The following MGAT4A variants were observed in gnomAD, a reference collection of about 807,000 sequenced individuals.
MGAT4A encodes the protein alpha-1,3-mannosyl-glycoprotein 4-beta-N-acetylglucosaminyltransferase A, also known as N-acetylglucosaminyltransferase IVa.
Under a neutral mutation model 74.1 loss-of-function variants are expected in MGAT4A, and 33 were observed. The observed-to-expected ratio is 0.45, with a 90% CI of 0.34 to 0.60. MGAT4A has a LOEUF of 0.60. MGAT4A is among the 20% of genes least tolerant of loss of function. The pLI, the probability that MGAT4A is intolerant of heterozygous loss-of-function variation, is 0.02. For synonymous variants in MGAT4A, 198 were observed against 210.4 expected (o/e 0.94, Z 0.51); for missense variants, 479 against 628.3 (o/e 0.76, Z 2.54).
intron 2 of MGAT4A, among the ~76,000 whole-genome samples, chr2:98,683,775 T>G (rs1702094636): frequency 6.6e-6 from 1 of 152,108 alleles, no homozygotes; most frequent in Non-Finnish European, 1.5e-5. Context: ...CACCCCTAAT[T>G]CTAAAATGCT....
At chr2:98,713,295 C>A (rs1047619504) in intron 2 of MGAT4A, among the ~76,000 whole-genome samples, 3 of 151,604 alleles carry the variant, frequency 2.0e-5, no homozygotes, top group African/African-American at 7.3e-5. Flanking sequence ...ATCTACTTTT[C>A]CCAAATAAGT....
chr2:98,696,894 T>C (rs963920992), intron 2 of MGAT4A, among the ~76,000 whole-genome samples: 6 of 152,248 alleles, frequency 3.9e-5, no homozygotes, highest in African/African-American at 1.4e-4. Context: ...TATTGATATC[T>C]CCCTTTTATC....
At chr2:98,666,995 T>C (rs974573734) in intron 4 of MGAT4A, among the ~76,000 whole-genome samples, 3 of 152,162 alleles carry the variant, frequency 2.0e-5, no homozygotes, top group Admixed American at 6.5e-5. Context: ...TGGGAGGTAA[T>C]TGAATCATGG....
rs376925119 is a variant in MGAT4A, at chr2:98,683,098, CAAAAAAAAT to C, written c.95-4636_95-4628del. On this transcript the variant is annotated intron_variant, in intron 2 of 15. Transcript: ENST00000393487. ...GCGAGACTCCGTCTAAAAAAAAAAA[CAAAAAAAAT>C]AAAAAAAATAAATGGCTTCCACTTT... Among the ~76,000 whole-genome samples the C allele has an allele frequency of 4.4e-3, 658 of 149,254 alleles. 1 individual carries two copies. Among genetic ancestry groups the C allele is most frequent in the Admixed American group, 8.7e-3 (131 of 14,988 alleles).
At chr2:98,642,403 C>T (rs1048566974) in intron 10 of MGAT4A, among the ~76,000 whole-genome samples, 8 of 152,152 alleles carry the variant, frequency 5.3e-5, no homozygotes, top group Non-Finnish European at 7.4e-5. Context: ...ACAGCACCCT[C>T]GAGATTCTAG....
chr2:98,671,308 C>T (rs1158945834), intron 4 of MGAT4A, among the ~76,000 whole-genome samples: 1 of 152,232 alleles, frequency 6.6e-6, no homozygotes, highest in Non-Finnish European at 1.5e-5. Flanking sequence ...CCTCTTCCCA[C>T]ATCCTCAACC....
chr2:98,648,554 G>C (rs1479999022), intron 8 of MGAT4A, among the ~76,000 whole-genome samples: 2 of 147,528 alleles, frequency 1.4e-5, no homozygotes, highest in African/African-American at 5.0e-5. Context: ...TTTACAAAAA[G>C]TAAAAAAAAA....
chr2:98,624,680 AAAG>A lies in MGAT4A; in HGVS notation c.*883_*885del. 2.0e-6 allele frequency: 2 copies of A among 982,350 alleles called. No homozygotes were observed. Among genetic ancestry groups the A allele is most frequent in the Non-Finnish European group, 1.2e-6 (1 of 827,034 alleles). 60.9% of individuals were successfully genotyped at this position (982,350 alleles called of 1,614,324 possible). A position where few individuals can be genotyped will look rare whatever the true frequency, so the allele number is the denominator to read the frequency against. ...GGATTAAAGACAAAGATTAAAAAGG[AAAG>A]AAGAGTTTGTCATTTTACATATCAG... On this transcript the variant is annotated 3_prime_UTR_variant, in exon 16 of 16. Coordinates refer to ENST00000393487, the MANE Select transcript of MGAT4A (RefSeq NM_012214.3).
At chr2:98,703,691 C>T (rs1702382756) in intron 2 of MGAT4A, among the ~76,000 whole-genome samples, 1 of 152,056 alleles carries the variant, frequency 6.6e-6, no homozygotes, top group Non-Finnish European at 1.5e-5. Flanking sequence ...GCTTTTCCAA[C>T]TTTATCTCCC....
chr2:98,621,459 T>C lies in MGAT4A; in HGVS notation c.*4107A>G, dbSNP rs1256835916. ...AAACAGCAATGGTGCCTGAGGTCCTTCTGCTTTGTCTCTTGACTTCTGCCA... is the reference window on the plus strand; with the variant it reads ...AAACAGCAATGGTGCCTGAGGTCCTCCTGCTTTGTCTCTTGACTTCTGCCA... On this transcript the variant is annotated 3_prime_UTR_variant, in exon 16 of 16. Coordinates refer to ENST00000393487, the MANE Select transcript of MGAT4A (RefSeq NM_012214.3). The C allele has an allele frequency of 6.4e-7, 1 of 1,551,540 alleles. No individual in the cohort carries two copies. The highest frequency in any genetic ancestry group is 1.4e-5 in the African/African-American group (1 of 73,038).
chr2:98,726,433 T>C lies in MGAT4A; in HGVS notation c.-101A>G. ...CAACTGAATGCAGTACTCCTGGCTC[T>C]AGGCCAATAAAAATCAATAAGAGAG... is the stretch of plus-strand genomic sequence containing the variant. On this transcript the variant is annotated 5_prime_UTR_variant, in exon 2 of 16. Transcript: ENST00000393487. 1.1e-6 allele frequency: 1 copy of C among 871,300 alleles called. No homozygotes were observed. The highest frequency in any genetic ancestry group is 1.8e-6 in the Non-Finnish European group (1 of 566,392). 54.0% of individuals were successfully genotyped at this position (871,300 alleles called of 1,614,324 possible).
rs151028944 is a variant in MGAT4A at position 98,659,503 on chromosome 2, C to T, written c.538-1239G>A. 6.6e-5 allele frequency among the ~76,000 whole-genome samples: 10 copies of T among 152,202 alleles called. No individual in the cohort carries two copies. The South Asian group carries it at 1.2e-3, about 19-fold the overall frequency. On this transcript the variant is annotated intron_variant, in intron 5 of 15. Transcript: ENST00000393487. ...CCAGAGCCCTATTGATATGGTTTGG[C>T]GTGTCCCCACCCAAGTCTCATCTCG...
At chr2:98,727,411 C>A (rs913668916) in intron 1 of MGAT4A, among the ~76,000 whole-genome samples, 7 of 152,264 alleles carry the variant, frequency 4.6e-5, no homozygotes, top group South Asian at 4.1e-4. Flanking sequence ...ATAATAGGTT[C>A]TCAAAAAATG....
At chr2:98,664,281 C>T (rs923617413) in intron 4 of MGAT4A, among the ~76,000 whole-genome samples, 4 of 139,498 alleles carry the variant, frequency 2.9e-5, no homozygotes, top group Non-Finnish European at 6.2e-5. Flanking sequence ...ACTAAAATTA[C>T]AGTCAATGTT....
intron 2 of MGAT4A, among the ~76,000 whole-genome samples, chr2:98,700,796 C>A (rs1702344920): frequency 6.7e-6 from 1 of 150,334 alleles, no homozygotes; most frequent in Non-Finnish European, 1.5e-5. Context: ...GAGGCTGAGG[C>A]AGGAGAATCG....
Position 98,687,689 on chromosome 2 carries a change from C to T in MGAT4A, c.95-9218G>A, listed in dbSNP as rs1266437065. Among the ~76,000 whole-genome samples the T allele has an allele frequency of 2.6e-5, 4 of 152,316 alleles. No homozygotes were observed. In the East Asian group the frequency reaches 7.7e-4, roughly 29 times the overall value. ...TCCCCCCACCCACCCCACAATAGCC[C>T]TGTCTCCTTTTTCTTTGTTTCAAAT... On this transcript the variant is annotated intron_variant, in intron 2 of 15. Transcript: ENST00000393487.
At chr2:98,690,220 C>A (rs1462714251) in intron 2 of MGAT4A, among the ~76,000 whole-genome samples, 1 of 152,162 alleles carries the variant, frequency 6.6e-6, no homozygotes, top group East Asian at 1.9e-4. Context: ...CCCTGACACC[C>A]ATAATATGTG....
intron 2 of MGAT4A, among the ~76,000 whole-genome samples, chr2:98,686,656 C>G (rs1367695208): frequency 6.6e-6 from 1 of 151,920 alleles, no homozygotes; most frequent in Admixed American, 6.6e-5. Context: ...AAGCAATTCT[C>G]CTGCCTCAGC....
At position 98,699,589 on chromosome 2, in the gene MGAT4A, AT is replaced by A. The variant is rs375692313; in HGVS notation, c.95-21119del. On this transcript the variant is annotated intron_variant, in intron 2 of 15. Coordinates refer to ENST00000393487, the MANE Select transcript of MGAT4A (RefSeq NM_012214.3). ...AGGCAAATCCTCTTAAACTAAAAAA[AT>A]GTATTTAAAAATTGATCAATAATAT... Among the ~76,000 whole-genome samples, 71 of 152,342 alleles carry A rather than the reference AT, an allele frequency of 4.7e-4. 1 individual carries two copies. The highest frequency in any genetic ancestry group is 1.2e-3 in the South Asian group (6 of 4,832).
Sources: allele counts gnomAD v4.1 joint callset (sites outside exome capture counted in the v4.1 genomes callset), GRCh38; gene constraint gnomAD v4.1.1; transcripts MANE v1.5; gene names NCBI Gene and HGNC (gene_info 2026-07-23, HGNC 2026-07-21).